URGCP: variants seen among roughly 807,000 people sequenced by gnomAD.
URGCP encodes upregulator of cell proliferation, also known as up-regulator of cell proliferation.
A neutral mutation model predicts 24.6 loss-of-function variants in URGCP; 13 were observed. The observed-to-expected ratio is 0.53, with a 90% confidence interval of 0.34 to 0.84. The LOEUF (loss-of-function observed/expected upper bound fraction) is 0.84, where lower values mean the gene tolerates loss of function less well. URGCP is among the 40% of genes least tolerant of loss of function. URGCP has a pLI of 0.01. For missense variants in URGCP, 899 were observed against 1,194.3 expected (o/e 0.75, Z 3.64); for synonymous variants, 444 against 487.2 (o/e 0.91, Z 1.17).
At chr7:43,882,606 TC>T (rs1281099427) in intron 3 of URGCP, among the ~76,000 whole-genome samples, 134 of 144,242 alleles carry the variant, frequency 9.3e-4, no homozygotes, top group Middle Eastern at 3.6e-3. Flanking sequence ...AGACCCTGTC[TC>T]AAAAAAAAAA....
At chr7:43,898,550 C>G (rs2095883053) in intron 1 of URGCP, among the ~76,000 whole-genome samples, 1 of 151,924 alleles carries the variant, frequency 6.6e-6, no homozygotes, top group Non-Finnish European at 1.5e-5. Context: ...GTCAGGAGTT[C>G]CAAGCCAGAA....
chr7:43,900,469 C>CAAA (rs759728715), intron 1 of URGCP, among the ~76,000 whole-genome samples: 5 of 114,484 alleles, frequency 4.4e-5, no homozygotes, highest in Admixed American at 9.0e-5. Flanking sequence ...AAAACCAAAA[C>CAAA]AAAAAAAAAA....
intron 1 of URGCP, chr7:43,919,145 C>G: frequency 1.2e-6 from 1 of 860,094 alleles, no homozygotes; most frequent in South Asian, 1.3e-5. Context: ...CTGGCCTGGG[C>G]TCCTACCTCT....
chr7:43,880,887 T>C (rs2095852736), intron 5 of URGCP, among the ~76,000 whole-genome samples: 1 of 152,210 alleles, frequency 6.6e-6, no homozygotes, highest in Non-Finnish European at 1.5e-5. Flanking sequence ...CCTCTGCCTG[T>C]TTCCCAAGAA....
At chr7:43,904,161 GGACCA>G (rs1297039980) in intron 1 of URGCP, among the ~76,000 whole-genome samples, 1 of 152,188 alleles carries the variant, frequency 6.6e-6, no homozygotes, top group African/African-American at 2.4e-5. Flanking sequence ...TCCACAAACG[GGACCA>G]GGTCCCATCA....
At position 43,887,833 on chromosome 7, in the gene URGCP, G is replaced by C; in HGVS notation, c.15-17C>G. 6.7e-7 allele frequency: 1 copy of C among 1,490,352 alleles called. No individual in the cohort carries two copies. The highest frequency in any genetic ancestry group is 9.1e-7 in the Non-Finnish European group (1 of 1,095,150). The allele number at this position is 1,490,352 out of a possible 1,614,324, so 92.3% of individuals were successfully genotyped here. A position where few individuals can be genotyped will look rare whatever the true frequency, so the allele number is the denominator to read the frequency against. On this transcript the variant is annotated splice_polypyrimidine_tract_variant and intron_variant, in intron 1 of 5. Coordinates refer to ENST00000453200, the MANE Select transcript of URGCP (RefSeq NM_001077663.3). ...ACTTCTATCCTAAGGAAATAATTAA[G>C]ATTTAGTTACAAAGATGTTGATGCC...
At chr7:43,900,114 C>T (rs2095887243) in intron 1 of URGCP, among the ~76,000 whole-genome samples, 1 of 151,568 alleles carries the variant, frequency 6.6e-6, no homozygotes, top group Non-Finnish European at 1.5e-5. Flanking sequence ...CATTGCACTC[C>T]AGCCTGGGAG....
At chr7:43,925,633 G>A (rs1460182744) in intron 1 of URGCP, among the ~76,000 whole-genome samples, 2 of 151,994 alleles carry the variant, frequency 1.3e-5, no homozygotes, top group Admixed American at 1.3e-4. Flanking sequence ...TCAAGTAGCT[G>A]GGATTACAGG....
At chr7:43,914,243 G>C (rs926378930) in intron 1 of URGCP, among the ~76,000 whole-genome samples, 11 of 152,100 alleles carry the variant, frequency 7.2e-5, no homozygotes, top group Non-Finnish European at 1.5e-4. Context: ...GCTCACACCT[G>C]TAATCCCAGC....
chr7:43,880,461 G>C (rs1034619569), intron 5 of URGCP, among the ~76,000 whole-genome samples: 2 of 151,884 alleles, frequency 1.3e-5, no homozygotes, highest in Admixed American at 6.5e-5. Flanking sequence ...GTTGTTGTTT[G>C]AGGCAGTGTC....
chr7:43,902,779 A>G (rs1027682696), intron 1 of URGCP, among the ~76,000 whole-genome samples: 2 of 152,206 alleles, frequency 1.3e-5, no homozygotes, highest in African/African-American at 4.8e-5. Flanking sequence ...AAGGTGGTAC[A>G]ATCATTTAAG....
rs1226893834 is a variant in URGCP, at chr7:43,887,783, T to C, written c.41+7A>G. 1.9e-6 allele frequency: 3 copies of C among 1,549,910 alleles called. No individual in the cohort carries two copies. The highest frequency in any genetic ancestry group is 1.7e-6 in the Non-Finnish European group (2 of 1,146,414). On this transcript the variant is annotated splice_region_variant and intron_variant, in intron 2 of 5. Coordinates refer to ENST00000453200, the MANE Select transcript of URGCP (RefSeq NM_001077663.3). ...AGTCATTCAGAAAGACAGAAAAATA[T>C]ACATACCCTTTGCCCAGTAATTCCA...
chr7:43,914,908 T>C (rs1441504629), intron 1 of URGCP, among the ~76,000 whole-genome samples: 3 of 152,176 alleles, frequency 2.0e-5, no homozygotes, highest in Non-Finnish European at 4.4e-5. Context: ...AACATGCCCA[T>C]GGTGAAAAAT....
chr7:43,880,628 G>A (rs906653862), intron 5 of URGCP, among the ~76,000 whole-genome samples: 5 of 152,126 alleles, frequency 3.3e-5, no homozygotes, highest in Non-Finnish European at 5.9e-5. Context: ...TTGTAGAGAC[G>A]GGATTTTGCC....
intron 1 of URGCP, among the ~76,000 whole-genome samples, chr7:43,898,676 G>A (rs1368234671): frequency 6.6e-6 from 1 of 151,984 alleles, no homozygotes; most frequent in Non-Finnish European, 1.5e-5. Context: ...GAGGTGGATC[G>A]CTTGAGCCCA....
chr7:43,886,660 G>C (rs897151012), intron 3 of URGCP, among the ~76,000 whole-genome samples: 1 of 151,836 alleles, frequency 6.6e-6, no homozygotes, highest in African/African-American at 2.4e-5. Context: ...GGCTGAGGCA[G>C]CAGAATCACT....
chr7:43,887,668 C>T, intron 2 of URGCP, 122 bp downstream of exon 2: 1 of 1,488,632 alleles, frequency 6.7e-7, no homozygotes, highest in Non-Finnish European at 8.9e-7. Context: ...TTTAAAAGTG[C>T]CCTCAATGAT....
At chr7:43,885,065 G>A (rs1274210088) in intron 3 of URGCP, among the ~76,000 whole-genome samples, 1 of 151,276 alleles carries the variant, frequency 6.6e-6, no homozygotes, top group Admixed American at 6.6e-5. Context: ...TATTTCTCAA[G>A]CTATTAATTG....
rs909432248 is a variant in URGCP, at chr7:43,906,567, C to G, written c.9G>C (p.Ser3=). The change falls in exon 1 of 6, where the codon TCG becomes TCC. Residue 3 remains serine, a synonymous_variant. Transcript: ENST00000453200. ...GCCTGCGAGGCGGCACTCACCCGGG[C>G]GACGCCATGAGCGCAGCGAGGTCTC... The part of the protein sequence containing the change: MA[S]PGIEVELLGK... 6.1e-5 allele frequency: 76 copies of G among 1,242,562 alleles called. No individual in the cohort carries two copies. Among genetic ancestry groups the G allele is most frequent in the Non-Finnish European group, 7.3e-5 (72 of 985,512 alleles). The allele number at this position is 1,242,562 out of a possible 1,614,324, so 77.0% of individuals were successfully genotyped here.
Sources: gnomAD v4.1 joint callset for allele counts (sites outside exome capture counted in the v4.1 genomes callset) on GRCh38, gnomAD v4.1.1 for gene constraint, MANE v1.5 for transcripts, NCBI Gene and HGNC (gene_info 2026-07-23, HGNC 2026-07-21) for gene names.